The following PDSS2 variants were observed in gnomAD, a reference collection of about 807,000 sequenced individuals.
The protein encoded by PDSS2 is all trans-polyprenyl-diphosphate synthase PDSS2.
In PDSS2, 31 loss-of-function variants were observed where a neutral mutation model predicts 44.5. That is an observed-to-expected ratio of 0.70 (90% CI 0.52 to 0.94). The LOEUF is 0.94. Ranked by LOEUF, PDSS2 falls within the 40% of genes least tolerant of loss-of-function variation. The pLI is 0.00. For missense variants in PDSS2, 452 were observed against 482.2 expected, an observed-to-expected ratio of 0.94 and a Z score of 0.59; for synonymous variants, 157 against 180.3, an observed-to-expected ratio of 0.87 and a Z score of 1.03.
At chr6:107,411,227 A>C (rs1780483183) in intron 1 of PDSS2, among the ~76,000 whole-genome samples, 1 of 152,172 alleles carries the variant, frequency 6.6e-6, no homozygotes, top group African/African-American at 2.4e-5. Context: ...GAGAAGAAAA[A>C]GCCTACCCAA....
chr6:107,161,064 G>T (rs1217750785), intron 7 of PDSS2, among the ~76,000 whole-genome samples: 1 of 151,524 alleles, frequency 6.6e-6, no homozygotes, highest in Non-Finnish European at 1.5e-5. Context: ...TAATAGAGAT[G>T]TGTTTTCACA....
chr6:107,396,678 C>CTTTT lies in PDSS2; in HGVS notation c.296+62308_296+62311dup, dbSNP rs950671310. On this transcript the variant is annotated intron_variant, in intron 1 of 7. Transcript: ENST00000369037. The stretch of plus-strand genomic sequence containing the variant: ...CTTTCTTTTTTTCCTCTTCTTTTTT[C>CTTTT]TTTTTTTTTTTTTTTTTTTTTTGAG... 2.2e-3 allele frequency among the ~76,000 whole-genome samples: 178 copies of CTTTT among 79,316 alleles called. 1 individual carries two copies. Among genetic ancestry groups the CTTTT allele is most frequent in the African/African-American group, 4.5e-3 (101 of 22,552 alleles). The allele number at this position is 79,316 out of a possible 152,430, so 52.0% of individuals were successfully genotyped here.
chr6:107,363,963 G>T (rs548485498), intron 1 of PDSS2, among the ~76,000 whole-genome samples: 2 of 151,912 alleles, frequency 1.3e-5, no homozygotes, highest in African/African-American at 4.8e-5. Flanking sequence ...TACAATCCTT[G>T]AGCTAGATAC....
intron 4 of PDSS2, among the ~76,000 whole-genome samples, chr6:107,244,150 CAA>C (rs891418202): frequency 3.3e-5 from 5 of 151,892 alleles, no homozygotes; most frequent in Non-Finnish European, 7.4e-5. Context: ...CAAAACAAAA[CAA>C]AAAAAGAGTC....
Position 107,246,577 on chromosome 6 carries a change from T to C in PDSS2, c.631-958A>G, listed in dbSNP as rs1582841132. Among the ~76,000 whole-genome samples, 5 of 152,310 alleles carry C rather than the reference T, an allele frequency of 3.3e-5. No homozygotes were observed. In the South Asian group the frequency reaches 1.0e-3, roughly 32 times the overall value. ...GTTTCAGCTTTTATCATTCTTGTAA[T>C]TGAAGACATTATTAAGCCAAAGAAT... On this transcript the variant is annotated intron_variant, in intron 3 of 7. Coordinates refer to ENST00000369037, the MANE Select transcript of PDSS2 (RefSeq NM_020381.4).
intron 1 of PDSS2, among the ~76,000 whole-genome samples, chr6:107,414,744 C>T (rs975734398): frequency 1.3e-5 from 2 of 152,206 alleles, no homozygotes; most frequent in Admixed American, 1.3e-4. Flanking sequence ...AAGGTATCCC[C>T]AGTCCTTGTT....
chr6:107,304,377 A>G (rs759556290), intron 2 of PDSS2, among the ~76,000 whole-genome samples: 8 of 152,244 alleles, frequency 5.3e-5, no homozygotes, highest in Admixed American at 2.0e-4. Context: ...CATATTCCGC[A>G]TGTACTCTTA....
Position 107,459,024 on chromosome 6 carries a change from C to G in PDSS2, c.262G>C (p.Val88Leu), listed in dbSNP as rs545921648. The G allele has an allele frequency of 6.2e-7, 1 of 1,614,020 alleles. No homozygotes were observed. The highest frequency in any genetic ancestry group is 8.5e-7 in the Non-Finnish European group (1 of 1,180,024). Residue 88 changes from valine (V) to leucine (L), a missense_variant, in exon 1 of 8, where the codon GTG (valine) becomes CTG (leucine). Coordinates refer to ENST00000369037, the MANE Select transcript of PDSS2 (RefSeq NM_020381.4). This position sits in a 1 kb window ranked among gnomAD's most constrained non-coding sequence, Gnocchi z 4.3. ...SNIAMQVRKL[V>L]GTQHPLLTTA... The stretch of plus-strand genomic sequence containing the variant: ...GTAAGCAGAGGGTGCTGAGTGCCCA[C>G]CAGCTTCCGCACCTGCATAGCGATG...
At chr6:107,184,830 ATCTT>A (rs1297656214) in intron 7 of PDSS2, among the ~76,000 whole-genome samples, 1 of 121,418 alleles carries the variant, frequency 8.2e-6, no homozygotes, top group East Asian at 2.3e-4. Context: ...TATCTGGAAG[ATCTT>A]TTTTTTTTTT....
intron 6 of PDSS2, among the ~76,000 whole-genome samples, chr6:107,207,718 T>TA (rs1773032980): frequency 6.7e-6 from 1 of 150,360 alleles, no homozygotes; most frequent in South Asian, 2.1e-4. Context: ...CAAGTGATTC[T>TA]AGGGCCTCAG....
intron 4 of PDSS2, among the ~76,000 whole-genome samples, chr6:107,235,932 G>A (rs370319111): frequency 4.6e-5 from 7 of 151,950 alleles, no homozygotes; most frequent in Non-Finnish European, 1.0e-4. Flanking sequence ...AAAAGAAGAA[G>A]AATCAGTGAC....
In PDSS2 at chr6:107,341,921, T is replaced by C. The variant is rs528719186; in HGVS notation, c.297-7589A>G. 4.6e-5 allele frequency among the ~76,000 whole-genome samples: 7 copies of C among 152,290 alleles called. 1 individual carries two copies. In the South Asian group the frequency reaches 1.5e-3, roughly 32 times the overall value. On this transcript the variant is annotated intron_variant, in intron 1 of 7. Transcript: ENST00000369037. ...TCTCACAAAAACCATGCAAGGTAAC[T>C]AGTAATATCCCTTTACAAATGAGGA...
intron 2 of PDSS2, among the ~76,000 whole-genome samples, chr6:107,296,066 T>C (rs977917846): frequency 6.6e-5 from 10 of 152,156 alleles, no homozygotes; most frequent in African/African-American, 2.4e-4. Context: ...TTTTCTGACA[T>C]GAGACCAGTA....
At chr6:107,229,972 G>A (rs1416616299) in intron 4 of PDSS2, 1 of 214,364 alleles carries the variant, frequency 4.7e-6, no homozygotes. Context: ...AACTGGCTTT[G>A]GCATGATGTA....
intron 2 of PDSS2, among the ~76,000 whole-genome samples, chr6:107,290,611 A>G (rs1776311855): frequency 6.6e-6 from 1 of 151,744 alleles, no homozygotes; most frequent in Non-Finnish European, 1.5e-5. Flanking sequence ...GTTATTCCTT[A>G]AACATGCCAA....
intron 3 of PDSS2, among the ~76,000 whole-genome samples, chr6:107,265,698 T>C (rs1049559109): frequency 5.3e-5 from 8 of 152,122 alleles, no homozygotes; most frequent in Non-Finnish European, 1.0e-4. Context: ...TCCTAGCACC[T>C]TGGGAGGCTG....
chr6:107,387,581 A>G (rs1779649238), intron 1 of PDSS2, among the ~76,000 whole-genome samples: 1 of 152,232 alleles, frequency 6.6e-6, no homozygotes, highest in Non-Finnish European at 1.5e-5. Context: ...GTATAACTGA[A>G]ATATCTTAAC....
intron 1 of PDSS2, among the ~76,000 whole-genome samples, chr6:107,458,109 T>C (rs892557271): frequency 6.6e-6 from 1 of 152,076 alleles, no homozygotes. Context: ...GCAAGTGTGT[T>C]CTTTGAACTA....
intron 1 of PDSS2, among the ~76,000 whole-genome samples, chr6:107,457,880 T>TA (rs1389069508): frequency 6.6e-6 from 1 of 152,174 alleles, no homozygotes; most frequent in Non-Finnish European, 1.5e-5. Flanking sequence ...GTAGCGTACT[T>TA]ACGTAGGAGA....
Sources: allele counts gnomAD v4.1 joint callset (sites outside exome capture counted in the v4.1 genomes callset), GRCh38; gene constraint gnomAD v4.1.1; non-coding constraint Gnocchi (gnomAD v3.1); transcripts MANE v1.5; gene names NCBI Gene and HGNC (gene_info 2026-07-23, HGNC 2026-07-21).